ASIC2: variants seen among roughly 807,000 people sequenced by gnomAD.
ASIC2 encodes the protein acid sensing ion channel subunit 2.
Under a neutral mutation model 57.3 loss-of-function variants are expected in ASIC2, and 25 were observed. The ratio of observed to expected loss-of-function variants is 0.44; its 90% confidence interval spans 0.32 to 0.61. The LOEUF is 0.61. Ranked by LOEUF, ASIC2 falls within the 20% of genes least tolerant of loss-of-function variation. The pLI is 0.06. For missense variants in ASIC2, 641 were observed against 738.1 expected, an observed-to-expected ratio of 0.87 and a Z score of 1.52; for synonymous variants, 319 against 307.5, an observed-to-expected ratio of 1.04 and a Z score of -0.39.
At chr17:33,297,696 C>T (rs1229270019), upstream of ASIC2, among the ~76,000 whole-genome samples, 2 of 151,800 alleles carry the variant, frequency 1.3e-5, no homozygotes, top group Non-Finnish European at 2.9e-5. Context: ...TGGTGGTGCA[C>T]GTCTGTAGTT....
chr17:33,592,514 T>G (rs191310189), intron 1 of ASIC2, among the ~76,000 whole-genome samples: 241 of 152,392 alleles, frequency 1.6e-3, no homozygotes, highest in Non-Finnish European at 2.6e-3. Flanking sequence ...ATACCATCAC[T>G]GATAACATCC....
intron 3 of ASIC2, among the ~76,000 whole-genome samples, chr17:33,080,146 C>T (rs965939699): frequency 3.9e-5 from 6 of 151,914 alleles, no homozygotes; most frequent in African/African-American, 1.2e-4. Flanking sequence ...ACCTGGAGTA[C>T]CACTAGGTAA....
intron 1 of ASIC2, among the ~76,000 whole-genome samples, chr17:33,153,637 C>T (rs2142032268): frequency 6.6e-6 from 1 of 152,292 alleles, no homozygotes; most frequent in African/African-American, 2.4e-5. Flanking sequence ...ATATGTTTCC[C>T]AGGTATGCGG....
At chr17:33,419,181 C>T (rs935868519) in intron 1 of ASIC2, among the ~76,000 whole-genome samples, 4 of 152,226 alleles carry the variant, frequency 2.6e-5, no homozygotes, top group African/African-American at 4.8e-5. Flanking sequence ...AGTGTTGTTG[C>T]ACCCATTGGT....
chr17:33,108,004 C>T (rs1380900858), intron 2 of ASIC2, among the ~76,000 whole-genome samples: 1 of 152,184 alleles, frequency 6.6e-6, no homozygotes, highest in African/African-American at 2.4e-5. Context: ...TTTTGACCAT[C>T]TTCCCACCTG....
chr17:33,161,497 A>G (rs992552929), intron 1 of ASIC2, among the ~76,000 whole-genome samples: 1 of 152,194 alleles, frequency 6.6e-6, no homozygotes, highest in African/African-American at 2.4e-5. Flanking sequence ...TTGTCCCACC[A>G]TCACACTCTT....
chr17:33,788,275 C>T lies in ASIC2; in HGVS notation c.555+367703G>A, dbSNP rs553094958. Among the ~76,000 whole-genome samples, 129 of 152,152 alleles carry T rather than the reference C, an allele frequency of 8.5e-4. 2 individuals are homozygous for T. Among genetic ancestry groups the T allele is most frequent in the African/African-American group, 3.0e-3 (123 of 41,532 alleles). On this transcript the variant is annotated intron_variant, in intron 1 of 9. Transcript: ENST00000359872. ...TGAACAGACACTTCTCAAAAGAAGA[C>T]ATTTACATGGCCAACAAACATGAAA...
At chr17:33,342,843 A>G (rs1208328239) in intron 1 of ASIC2, among the ~76,000 whole-genome samples, 1 of 152,170 alleles carries the variant, frequency 6.6e-6, no homozygotes, top group Non-Finnish European at 1.5e-5. Flanking sequence ...GTTAATCCCC[A>G]TGATGCTGTT....
chr17:33,359,712 G>A (rs929309457), intron 1 of ASIC2, among the ~76,000 whole-genome samples: 1 of 152,176 alleles, frequency 6.6e-6, no homozygotes, highest in African/African-American at 2.4e-5. Context: ...TCCTTAAAGG[G>A]CACTAACTTA....
At chr17:33,823,122 A>G (rs1440882461) in intron 1 of ASIC2, among the ~76,000 whole-genome samples, 1 of 152,148 alleles carries the variant, frequency 6.6e-6, no homozygotes, top group African/African-American at 2.4e-5. Context: ...TTTATCCTTT[A>G]TTCTGCACCC....
chr17:33,900,253 A>T (rs186808535), intron 1 of ASIC2, among the ~76,000 whole-genome samples: 1 of 152,012 alleles, frequency 6.6e-6, no homozygotes, highest in East Asian at 1.9e-4. Context: ...AGAAGGGCAG[A>T]GTTCACCATC....
At chr17:33,582,964 C>T (rs867476220) in intron 1 of ASIC2, among the ~76,000 whole-genome samples, 1 of 151,426 alleles carries the variant, frequency 6.6e-6, no homozygotes, top group Non-Finnish European at 1.5e-5. Flanking sequence ...CAGCAAATAA[C>T]GTTACTAATG....
chr17:33,213,351 G>C (rs959725962), intron 1 of ASIC2, among the ~76,000 whole-genome samples: 9 of 152,248 alleles, frequency 5.9e-5, no homozygotes, highest in Admixed American at 2.0e-4. Context: ...GAGCTTGCAG[G>C]AACAAGAGGG....
intron 1 of ASIC2, among the ~76,000 whole-genome samples, chr17:34,140,154 C>A (rs935932600): frequency 6.6e-6 from 1 of 152,016 alleles, no homozygotes; most frequent in Non-Finnish European, 1.5e-5. Flanking sequence ...GGCACCAGAG[C>A]GAAGGAGAAG....
intron 1 of ASIC2, among the ~76,000 whole-genome samples, chr17:33,708,060 A>G (rs1017448828): frequency 6.6e-6 from 1 of 152,144 alleles, no homozygotes; most frequent in Non-Finnish European, 1.5e-5. Flanking sequence ...CAGAGAGCAA[A>G]CCTCCAGTCT....
At chr17:33,058,328 G>T (rs1190681489) in intron 3 of ASIC2, among the ~76,000 whole-genome samples, 1 of 152,074 alleles carries the variant, frequency 6.6e-6, no homozygotes, top group Non-Finnish European at 1.5e-5. Context: ...ACTGGAAAAG[G>T]ATGGGAGATT....
chr17:33,690,043 T>C (rs919678162), intron 1 of ASIC2, among the ~76,000 whole-genome samples: 4 of 152,274 alleles, frequency 2.6e-5, no homozygotes, highest in African/African-American at 7.2e-5. Context: ...TAACTTGTTA[T>C]AGCAGCTCTA....
chr17:33,122,624 T>C (rs1301914530), intron 1 of ASIC2, among the ~76,000 whole-genome samples: 2 of 152,232 alleles, frequency 1.3e-5, no homozygotes, highest in Admixed American at 6.5e-5. Context: ...TTAACATTTC[T>C]ACTACCTCAC....
At chr17:33,705,068 T>G (rs1908823396) in intron 1 of ASIC2, among the ~76,000 whole-genome samples, 1 of 152,222 alleles carries the variant, frequency 6.6e-6, no homozygotes, top group Non-Finnish European at 1.5e-5. Context: ...GCCTGGTGTT[T>G]GTATTTGAAA....
Sources: allele counts gnomAD v4.1 joint callset (sites outside exome capture counted in the v4.1 genomes callset), GRCh38; gene constraint gnomAD v4.1.1; transcripts MANE v1.5; gene names NCBI Gene and HGNC (gene_info 2026-07-23, HGNC 2026-07-21).